CSGALNACT1: variants seen among roughly 807,000 people sequenced by gnomAD.
CSGALNACT1 encodes the protein chondroitin sulfate N-acetylgalactosaminyltransferase 1.
A neutral mutation model predicts 51.0 loss-of-function variants in CSGALNACT1; 52 were observed. That is an observed-to-expected ratio of 1.02 (90% confidence interval 0.82 to 1.29). The LOEUF (loss-of-function observed/expected upper bound fraction) is 1.29, where lower values mean the gene tolerates loss of function less well. Ranked by LOEUF, CSGALNACT1 falls within the 50% of genes most tolerant of loss-of-function variation. The pLI is 0.00. For synonymous variants in CSGALNACT1, 341 were observed against 254.4 expected, an observed-to-expected ratio of 1.34 and a Z score of -3.24; for missense variants, 935 against 679.2, an observed-to-expected ratio of 1.38 and a Z score of -4.19.
At chr8:19,529,090 G>A (rs2082255936) in intron 3 of CSGALNACT1, among the ~76,000 whole-genome samples, 1 of 152,330 alleles carries the variant, frequency 6.6e-6, no homozygotes, top group African/African-American at 2.4e-5. Flanking sequence ...AGCAACGTCA[G>A]ATGCTGCCGA....
intron 1 of CSGALNACT1, among the ~76,000 whole-genome samples, chr8:19,621,995 A>G (rs971496838): frequency 3.3e-5 from 5 of 152,222 alleles, no homozygotes; most frequent in African/African-American, 1.2e-4. Flanking sequence ...ACAAACAATA[A>G]CTCAAGTCCT....
intron 4 of CSGALNACT1, among the ~76,000 whole-genome samples, chr8:19,476,778 T>A (rs1487724072): frequency 6.6e-6 from 1 of 152,154 alleles, no homozygotes; most frequent in Admixed American, 6.5e-5. Context: ...AGGATACACA[T>A]GGGAACTCCA....
Position 19,468,924 on chromosome 8 carries a change from T to C in CSGALNACT1, c.635-10282A>G, listed in dbSNP as rs139689495. Among the ~76,000 whole-genome samples, 335 of 152,210 alleles carry C rather than the reference T, an allele frequency of 2.2e-3. 1 individual carries two copies. The highest frequency in any genetic ancestry group is 4.6e-3 in the South Asian group (22 of 4,828). On this transcript the variant is annotated intron_variant, in intron 4 of 9. Coordinates refer to ENST00000454498, the Ensembl canonical transcript of CSGALNACT1. ...GAGCTCAGGATGCAGGCTCAGGATA[T>C]GCCAAACCTTCAGGTGCACAGTGCA... is the stretch of plus-strand genomic sequence containing the variant.
At chr8:19,686,714 T>G (rs117066255), upstream of CSGALNACT1, among the ~76,000 whole-genome samples, 1,394 of 152,284 alleles carry the variant, frequency 9.2e-3, 13 homozygotes, top group Non-Finnish European at 0.014. Context: ...GATAAAATAA[T>G]AGAAGCTGGA....
intron 3 of CSGALNACT1, among the ~76,000 whole-genome samples, chr8:19,513,436 CTA>C (rs1554650175): frequency 0.022 from 1,780 of 81,876 alleles, 42 homozygotes; most frequent in African/African-American, 0.055. Context: ...CTCTCTCTCT[CTA>C]TATATATATA....
intron 6 of CSGALNACT1, among the ~76,000 whole-genome samples, chr8:19,430,762 C>A (rs1229177534): frequency 3.3e-5 from 5 of 152,088 alleles, no homozygotes; most frequent in Non-Finnish European, 7.4e-5. Context: ...AGGGATTGTA[C>A]TGAAACTATA....
At chr8:19,549,849 G>A (rs981090796) in intron 3 of CSGALNACT1, among the ~76,000 whole-genome samples, 17 of 152,006 alleles carry the variant, frequency 1.1e-4, no homozygotes, top group East Asian at 3.9e-4. Flanking sequence ...CCTGAGATTT[G>A]GAAAGTACAG....
chr8:19,563,996 C>T (rs963649619), intron 3 of CSGALNACT1, among the ~76,000 whole-genome samples: 1 of 152,126 alleles, frequency 6.6e-6, no homozygotes, highest in African/African-American at 2.4e-5. Context: ...CTCCACACCA[C>T]ACCTACTCCT....
chr8:19,516,357 G>T (rs1056170805), intron 3 of CSGALNACT1, among the ~76,000 whole-genome samples: 1 of 152,042 alleles, frequency 6.6e-6, no homozygotes, highest in East Asian at 1.9e-4. Flanking sequence ...TACCCACTAC[G>T]CTATACTGTT....
chr8:19,514,507 A>ATATATATATATATATATC (rs2079117781), intron 3 of CSGALNACT1, among the ~76,000 whole-genome samples: 1 of 131,486 alleles, frequency 7.6e-6, no homozygotes, highest in Non-Finnish European at 1.6e-5. Context: ...ATATATATAT[A>ATATATATATATATATATC]TATACATGTA....
At chr8:19,593,418 C>A (rs2048250781) in intron 2 of CSGALNACT1, among the ~76,000 whole-genome samples, 1 of 152,218 alleles carries the variant, frequency 6.6e-6, no homozygotes, top group African/African-American at 2.4e-5. Flanking sequence ...ACCACAACAG[C>A]TAGGCTCCTC....
chr8:19,527,440 C>T (rs1384279045), intron 3 of CSGALNACT1, among the ~76,000 whole-genome samples: 1 of 152,010 alleles, frequency 6.6e-6, no homozygotes, highest in African/African-American at 2.4e-5. Context: ...CCCGCCCCTC[C>T]AACTCCTAAA....
chr8:19,580,805 T>G (rs1180594607), intron 3 of CSGALNACT1, among the ~76,000 whole-genome samples: 4 of 152,088 alleles, frequency 2.6e-5, no homozygotes, highest in Admixed American at 6.6e-5. Context: ...AGATAGAGAA[T>G]CTTACCAGAT....
At chr8:19,599,187 T>A (rs2049677813) in intron 2 of CSGALNACT1, among the ~76,000 whole-genome samples, 1 of 151,796 alleles carries the variant, frequency 6.6e-6, no homozygotes, top group Non-Finnish European at 1.5e-5. Flanking sequence ...AGAGCTAGCA[T>A]CAGGGGACAG....
intron 3 of CSGALNACT1, among the ~76,000 whole-genome samples, chr8:19,582,563 CT>C (rs928409861): frequency 3.7e-4 from 56 of 152,264 alleles, no homozygotes; most frequent in African/African-American, 1.3e-3. Flanking sequence ...TCAATCCACC[CT>C]GTCAAAGAGA....
intron 1 of CSGALNACT1, among the ~76,000 whole-genome samples, chr8:19,637,499 C>T (rs148585806): frequency 9.7e-4 from 147 of 152,232 alleles, no homozygotes; most frequent in African/African-American, 3.4e-3. Flanking sequence ...ATTATTCCCC[C>T]CGAAGGCTGA....
intron 8 of CSGALNACT1, among the ~76,000 whole-genome samples, chr8:19,411,891 T>C (rs10107569): frequency 0.91 from 136,918 of 150,626 alleles, 62,265 homozygotes; most frequent in East Asian, 1. Context: ...AGTGCAGTGG[T>C]GTGACCTCGG....
intron 3 of CSGALNACT1, among the ~76,000 whole-genome samples, chr8:19,567,417 G>A (rs1242521119): frequency 6.6e-6 from 1 of 152,180 alleles, no homozygotes; most frequent in Non-Finnish European, 1.5e-5. Flanking sequence ...ACATTTAAGA[G>A]GCAGTGTGAC....
intron 1 of CSGALNACT1, among the ~76,000 whole-genome samples, chr8:19,706,420 G>A (rs1317871119): frequency 6.6e-6 from 1 of 152,146 alleles, no homozygotes; most frequent in East Asian, 1.9e-4. Flanking sequence ...AGAGAGCAGT[G>A]GAGCCACGGC....
Sources: allele counts gnomAD v4.1 joint callset (sites outside exome capture counted in the v4.1 genomes callset), GRCh38; gene constraint gnomAD v4.1.1; transcripts MANE v1.5; gene names NCBI Gene and HGNC (gene_info 2026-07-23, HGNC 2026-07-21).